KCNQ5: variants seen among roughly 807,000 people sequenced by gnomAD.
KCNQ5 encodes the protein potassium voltage-gated channel subfamily KQT member 5.
A neutral mutation model predicts 98.2 loss-of-function variants in KCNQ5; 30 were observed. The ratio of observed to expected loss-of-function variants is 0.31; its 90% CI spans 0.23 to 0.41. KCNQ5 has a LOEUF of 0.41. KCNQ5 is among the 10% of genes least tolerant of loss of function. KCNQ5 has a pLI of 1.00. For synonymous variants in KCNQ5, 458 were observed against 449.4 expected (o/e 1.02, Z -0.24); for missense variants, 835 against 1,182.5 (o/e 0.71, Z 4.31).
intron 3 of KCNQ5, among the ~76,000 whole-genome samples, chr6:73,072,646 T>G (rs1430478455): frequency 6.6e-6 from 1 of 152,224 alleles, no homozygotes; most frequent in East Asian, 1.9e-4. Flanking sequence ...AGTCCTTATG[T>G]GTCTTAAATA....
chr6:72,674,725 G>A (rs193302465), intron 1 of KCNQ5, among the ~76,000 whole-genome samples: 2 of 152,232 alleles, frequency 1.3e-5, no homozygotes, highest in Admixed American at 6.5e-5. Context: ...AGCTGAGATC[G>A]CGTCACTGCA....
intron 1 of KCNQ5, among the ~76,000 whole-genome samples, chr6:72,985,733 T>G (rs1768742201): frequency 6.6e-6 from 1 of 152,144 alleles, no homozygotes; most frequent in Admixed American, 6.5e-5. Flanking sequence ...TTCAACTACT[T>G]TGGAAAGCAG....
chr6:72,762,564 T>C (rs948519850), intron 1 of KCNQ5, among the ~76,000 whole-genome samples: 70 of 152,026 alleles, frequency 4.6e-4, no homozygotes, highest in Admixed American at 6.6e-5. Flanking sequence ...CACTGAAGGA[T>C]TTTGAAAACA....
chr6:73,094,729 G>A (rs1462899532), intron 5 of KCNQ5, among the ~76,000 whole-genome samples: 1 of 152,102 alleles, frequency 6.6e-6, no homozygotes, highest in Admixed American at 6.6e-5. Context: ...TCTTTTGCTT[G>A]AGGAGGCCGA....
chr6:72,892,222 AGGAAG>A (rs1467047212), intron 1 of KCNQ5, among the ~76,000 whole-genome samples: 1 of 152,198 alleles, frequency 6.6e-6, no homozygotes, highest in Non-Finnish European at 1.5e-5. Context: ...ACCTTCCTTC[AGGAAG>A]GTAAGAACTC....
Position 72,785,543 on chromosome 6 carries a change from G to A in KCNQ5, c.398+162956G>A, listed in dbSNP as rs535194106. On this transcript the variant is annotated intron_variant, in intron 1 of 13. Coordinates refer to ENST00000370398, the MANE Select transcript of KCNQ5 (RefSeq NM_019842.4). The stretch of plus-strand genomic sequence containing the variant: ...TGGGCGCCTGTAATCCCAGATACTC[G>A]GGAGGCTGAGTCAGGAGAATCCCTT... 3.3e-5 allele frequency among the ~76,000 whole-genome samples: 5 copies of A among 151,992 alleles called. No homozygotes were observed. In the East Asian group the frequency reaches 5.8e-4, roughly 18 times the overall value.
chr6:72,760,947 G>C (rs1772238885), intron 1 of KCNQ5, among the ~76,000 whole-genome samples: 2 of 152,046 alleles, frequency 1.3e-5, no homozygotes, highest in Admixed American at 1.3e-4. Context: ...TGAGTCCATG[G>C]TCACAGCCAG....
chr6:72,739,626 A>C (rs529174262), intron 1 of KCNQ5, among the ~76,000 whole-genome samples: 64 of 152,328 alleles, frequency 4.2e-4, no homozygotes, highest in African/African-American at 1.5e-3. Flanking sequence ...TTACAAATAC[A>C]ACATTTAAAG....
rs534415225 is a variant in KCNQ5, at chr6:72,875,500, G to A, written c.399-128408G>A. Among the ~76,000 whole-genome samples the A allele has an allele frequency of 3.0e-4, 45 of 152,128 alleles. 1 individual carries two copies. Among genetic ancestry groups the A allele is most frequent in the Admixed American group, 2.9e-3 (44 of 15,282 alleles). ...TTTCTCAGATACACATTATTTTGTC[G>A]AAAGAACACAACAAATGTCAAGTTG... On this transcript the variant is annotated intron_variant, in intron 1 of 13. Transcript: ENST00000370398.
chr6:72,972,812 C>G (rs985013170), intron 1 of KCNQ5, among the ~76,000 whole-genome samples: 1 of 152,176 alleles, frequency 6.6e-6, no homozygotes, highest in African/African-American at 2.4e-5. Flanking sequence ...CTATAATCTT[C>G]TCATAAGAAT....
At chr6:72,950,241 T>A (rs1046660217) in intron 1 of KCNQ5, among the ~76,000 whole-genome samples, 1 of 152,198 alleles carries the variant, frequency 6.6e-6, no homozygotes, top group Admixed American at 6.5e-5. Context: ...TGGTAGCGTA[T>A]TCAGTATCAT....
intron 10 of KCNQ5, among the ~76,000 whole-genome samples, chr6:73,139,704 AAAAT>A (rs1776626921): frequency 6.6e-6 from 1 of 152,328 alleles, no homozygotes; most frequent in African/African-American, 2.4e-5. Context: ...ACAACTAGCA[AAAAT>A]AAATAAATTA....
At chr6:72,770,083 G>A (rs563788075) in intron 1 of KCNQ5, among the ~76,000 whole-genome samples, 2 of 152,124 alleles carry the variant, frequency 1.3e-5, no homozygotes, top group African/African-American at 2.4e-5. Context: ...CAAGCAACAG[G>A]TTGAGAAAGC....
chr6:73,058,408 C>T (rs564551923), intron 3 of KCNQ5, among the ~76,000 whole-genome samples: 4 of 151,860 alleles, frequency 2.6e-5, no homozygotes, highest in Admixed American at 2.6e-4. Context: ...GAGACTCCGT[C>T]TCAAAAAAAA....
chr6:73,110,402 G>C (rs1775194713), intron 6 of KCNQ5, among the ~76,000 whole-genome samples: 1 of 152,126 alleles, frequency 6.6e-6, no homozygotes. Flanking sequence ...TAGTAGACCA[G>C]AGCAAATTGA....
At chr6:73,002,943 G>T (rs1045921668) in intron 1 of KCNQ5, among the ~76,000 whole-genome samples, 1 of 152,040 alleles carries the variant, frequency 6.6e-6, no homozygotes, top group Non-Finnish European at 1.5e-5. Context: ...GAGGAGTCAG[G>T]GACTAACTTC....
At chr6:73,106,857 T>C (rs865942428) in intron 6 of KCNQ5, among the ~76,000 whole-genome samples, 8 of 152,284 alleles carry the variant, frequency 5.3e-5, no homozygotes, top group Middle Eastern at 6.8e-3. Flanking sequence ...AATGTAATAA[T>C]GTAAGTCAAG....
intron 1 of KCNQ5, among the ~76,000 whole-genome samples, chr6:72,956,495 T>C (rs1047186620): frequency 6.0e-5 from 9 of 150,254 alleles, no homozygotes; most frequent in African/African-American, 1.2e-4. Flanking sequence ...TTTTCTTTTT[T>C]TTTTTTTTTT....
Position 73,194,473 on chromosome 6 carries a change from C to T in KCNQ5, c.1858C>T (p.Leu620=). 1.9e-6 allele frequency: 3 copies of T among 1,613,640 alleles called. No homozygotes were observed. Among genetic ancestry groups the T allele is most frequent in the Non-Finnish European group, 8.5e-7 (1 of 1,179,566 alleles). Residue 620 remains leucine (L), a synonymous_variant, in exon 14 of 14, where the codon CTG becomes TTG. Transcript: ENST00000370398. ...CTAGGTACAGTCCATAGAATCCAAG[C>T]TGGACTGCCTACTAGACATCTATCA... ...EKQVQSIESK[L]DCLLDIYQQV... is the part of the protein sequence containing the mutation.
Sources: gnomAD v4.1 joint callset for allele counts (sites outside exome capture counted in the v4.1 genomes callset) on GRCh38, gnomAD v4.1.1 for gene constraint, MANE v1.5 for transcripts, NCBI Gene and HGNC (gene_info 2026-07-23, HGNC 2026-07-21) for gene names.